The following C10orf67 variants were observed in gnomAD, a reference collection of about 807,000 sequenced individuals.
C10orf67 encodes uncharacterized protein C10orf67, mitochondrial.
Under a neutral mutation model 35.6 loss-of-function variants are expected in C10orf67, and 60 were observed. The ratio of observed to expected loss-of-function variants is 1.68; its 90% CI spans 1.37 to 2.09. C10orf67 has a LOEUF of 2.09. Ranked by LOEUF, C10orf67 falls within the 30% of genes most tolerant of loss-of-function variation. The pLI, the probability that C10orf67 is intolerant of heterozygous loss-of-function variation, is 0.00. For synonymous variants in C10orf67, 167 were observed against 115.8 expected (o/e 1.44, Z -2.84); for missense variants, 474 against 330.2 (o/e 1.44, Z -3.38).
At chr10:23,308,909 T>C (rs74723926) in intron 4 of C10orf67, among the ~76,000 whole-genome samples, 2,572 of 152,282 alleles carry the variant, frequency 0.017, 61 homozygotes, top group African/African-American at 0.05. Flanking sequence ...AGATGCCACC[T>C]GCTCTGGAAA....
intron 8 of C10orf67, among the ~76,000 whole-genome samples, chr10:23,269,105 A>G (rs1842955281): frequency 6.6e-6 from 1 of 152,246 alleles, no homozygotes; most frequent in Admixed American, 6.5e-5. Context: ...TCCCTCAGAT[A>G]GAACCTGTGA....
rs187467727 is a variant in C10orf67, at chr10:23,312,701, G to A, written c.546+8040C>T. Among the ~76,000 whole-genome samples the A allele has an allele frequency of 2.7e-3, 412 of 152,218 alleles. 1 individual carries two copies. Among genetic ancestry groups the A allele is most frequent in the Non-Finnish European group, 4.1e-3 (281 of 68,016 alleles). On this transcript the variant is annotated intron_variant, in intron 4 of 15. Transcript: ENST00000636213. ...ATGTATCTGTGATGATTAATTTTATGCATCAACTTGGCTAGGCCATGGTAC... is the reference window on the plus strand; with the variant it reads ...ATGTATCTGTGATGATTAATTTTATACATCAACTTGGCTAGGCCATGGTAC...
At position 23,267,910 on chromosome 10, in the gene C10orf67, G is replaced by GA. The variant is rs762163381; in HGVS notation, c.976-657dup. The stretch of plus-strand genomic sequence containing the variant: ...GAGTGAAACTCAGTCTCAAAAAAAA[G>GA]AAAAAAAAAAAGATAGTTTGAGAAA... On this transcript the variant is annotated intron_variant, in intron 8 of 15. Coordinates refer to ENST00000636213, the MANE Select transcript of C10orf67 (RefSeq NM_001371909.1). Among the ~76,000 whole-genome samples the GA allele has an allele frequency of 7.2e-3, 1,001 of 139,964 alleles. 4 individuals carry two copies. The highest frequency in any genetic ancestry group is 8.8e-3 in the Non-Finnish European group (561 of 63,458). 91.8% of individuals were successfully genotyped at this position (139,964 alleles called of 152,430 possible).
intron 10 of C10orf67, among the ~76,000 whole-genome samples, chr10:23,252,420 T>C (rs1842479534): frequency 1.3e-5 from 2 of 152,252 alleles, no homozygotes; most frequent in African/African-American, 4.8e-5. Flanking sequence ...TTTTGTCTGT[T>C]CCCTGAATTA....
Position 23,265,416 on chromosome 10 carries a change from C to T in C10orf67, c.1200+846G>A, listed in dbSNP as rs12254669. ...GAGAAGAAGGAAGAATGTGGGAACA[C>T]GTAGGAACAGGACAGAGTTTGAGAG... On this transcript the variant is annotated intron_variant, in intron 10 of 15. Coordinates refer to ENST00000636213, the MANE Select transcript of C10orf67 (RefSeq NM_001371909.1). Among the ~76,000 whole-genome samples, 1,156 of 152,270 alleles carry T rather than the reference C, an allele frequency of 7.6e-3. 14 individuals are homozygous for T. Among genetic ancestry groups the T allele is most frequent in the African/African-American group, 0.026 (1,097 of 41,548 alleles).
At chr10:23,265,823 T>C (rs760872689) in intron 10 of C10orf67, among the ~76,000 whole-genome samples, 9 of 152,194 alleles carry the variant, frequency 5.9e-5, no homozygotes, top group African/African-American at 1.2e-4. Context: ...AGCAGCAGCA[T>C]AGAGTTCATG....
At chr10:23,291,671 C>T (rs533523437) in intron 5 of C10orf67, among the ~76,000 whole-genome samples, 5 of 152,224 alleles carry the variant, frequency 3.3e-5, no homozygotes, top group South Asian at 2.1e-4. Context: ...GGACGGGCAG[C>T]GCCAGGGGGT....
intron 3 of C10orf67, among the ~76,000 whole-genome samples, chr10:23,321,034 T>C: frequency 6.6e-6 from 1 of 152,190 alleles, no homozygotes; most frequent in East Asian, 1.9e-4. Context: ...ATAGATAAAA[T>C]ATATACAGAT....
chr10:23,289,863 T>C (rs1564492312), intron 7 of C10orf67, 37 bp downstream of exon 7: 4 of 713,308 alleles, frequency 5.6e-6, no homozygotes, highest in African/African-American at 1.7e-5. Flanking sequence ...TAGTTCCATT[T>C]AAAAGAGTCA....
chr10:23,281,990 G>T, intron 8 of C10orf67, 23 bp downstream of exon 8: 1 of 572,090 alleles, frequency 1.7e-6, no homozygotes, highest in Non-Finnish European at 3.1e-6. Flanking sequence ...AAATTTGTTA[G>T]GAAATAATGT....
chr10:23,248,897 T>C (rs113982470), intron 12 of C10orf67, among the ~76,000 whole-genome samples: 202 of 152,176 alleles, frequency 1.3e-3, no homozygotes, highest in African/African-American at 4.7e-3. Context: ...AAACGATTAA[T>C]ATGATTGTCA....
At chr10:23,264,485 T>G (rs1426684236) in intron 10 of C10orf67, among the ~76,000 whole-genome samples, 1 of 152,020 alleles carries the variant, frequency 6.6e-6, no homozygotes, top group African/African-American at 2.4e-5. Context: ...ATCATTAGAG[T>G]CACAGGGAAA....
chr10:23,249,601 A>T (rs9665728), intron 12 of C10orf67, among the ~76,000 whole-genome samples: 1 of 152,046 alleles, frequency 6.6e-6, no homozygotes, highest in Non-Finnish European at 1.5e-5. Flanking sequence ...AATTATTTCC[A>T]TAGAATATAC....
intron 8 of C10orf67, among the ~76,000 whole-genome samples, chr10:23,278,269 G>C (rs2132228428): frequency 6.6e-6 from 1 of 152,252 alleles, no homozygotes; most frequent in East Asian, 1.9e-4. Context: ...AAAAGGTTGA[G>C]AACCCCTGGA....
chr10:23,230,061 CA>C (rs1841865751), intron 13 of C10orf67, among the ~76,000 whole-genome samples: 1 of 151,880 alleles, frequency 6.6e-6, no homozygotes, highest in African/African-American at 2.4e-5. Context: ...TCTTGCAAAA[CA>C]GGGCATGAGC....
intron 15 of C10orf67, among the ~76,000 whole-genome samples, chr10:23,220,776 C>T (rs1472580932): frequency 6.6e-6 from 1 of 152,154 alleles, no homozygotes; most frequent in Non-Finnish European, 1.5e-5. Flanking sequence ...ACGTGAAAGG[C>T]ATTTAGAATA....
chr10:23,247,791 C>T (rs898660155), intron 12 of C10orf67, among the ~76,000 whole-genome samples: 19 of 152,150 alleles, frequency 1.2e-4, no homozygotes, highest in African/African-American at 4.6e-4. Flanking sequence ...GCATTCAATT[C>T]AGAATATTTG....
At chr10:23,340,772 G>A (rs1003257356) in intron 1 of C10orf67, among the ~76,000 whole-genome samples, 4 of 152,176 alleles carry the variant, frequency 2.6e-5, no homozygotes, top group African/African-American at 9.7e-5. Flanking sequence ...TTTATTTATA[G>A]TCTCAGCAAT....
rs144799589 is a variant in C10orf67, at chr10:23,337,521, G to C, written c.207-4339C>G. Among the ~76,000 whole-genome samples the C allele has an allele frequency of 3.4e-3, 512 of 152,224 alleles. 7 individuals are homozygous for C. Among genetic ancestry groups the C allele is most frequent in the African/African-American group, 0.012 (486 of 41,550 alleles). On this transcript the variant is annotated intron_variant, in intron 1 of 15. Coordinates refer to ENST00000636213, the MANE Select transcript of C10orf67 (RefSeq NM_001371909.1). ...TGCACTTCAGCTTGGATGACAGAGT[G>C]AGATCCTGCCTCAAAAAATAAAAAT...
Sources: gnomAD v4.1 joint callset for allele counts (sites outside exome capture counted in the v4.1 genomes callset) on GRCh38, gnomAD v4.1.1 for gene constraint, MANE v1.5 for transcripts, NCBI Gene and HGNC (gene_info 2026-07-23, HGNC 2026-07-21) for gene names.